MIAT: variants seen among roughly 807,000 people sequenced by gnomAD.
The protein encoded by MIAT is myocardial infarction associated transcript.
At chr22:26,648,145 A>T (rs1017757493) in intron 2 of MIAT, among the ~76,000 whole-genome samples, 1 of 152,130 alleles carries the variant, frequency 6.6e-6, no homozygotes, top group Non-Finnish European at 1.5e-5. Context: ...GCCTCAGCAG[A>T]AGCAGTAGCA....
chr22:26,672,470 G>A (rs997226302), downstream of MIAT: 7 of 399,382 alleles, frequency 1.8e-5, no homozygotes, highest in Non-Finnish European at 3.1e-5. Context: ...TCTCTCCTAT[G>A]TGCAGAAGTC....
At chr22:26,656,013 TTTTC>T in intron 2 of MIAT, 1 of 153,104 alleles carries the variant, frequency 6.5e-6, no homozygotes, top group Non-Finnish European at 1.4e-5. Context: ...TTTTCTTTTC[TTTTC>T]TTTTTTTTTT....
chr22:26,667,054 A>T (rs1226540275), intron 4 of MIAT: 11 of 266,446 alleles, frequency 4.1e-5, no homozygotes, highest in Non-Finnish European at 7.0e-5. Flanking sequence ...GCTCCTGCTC[A>T]TGAGAAGATG....
chr22:26,670,447 T>C (rs1050101217), downstream of MIAT: 25 of 398,052 alleles, frequency 6.3e-5, no homozygotes, highest in African/African-American at 4.3e-4. Context: ...TGGGAAGTGG[T>C]AGAGAGACCC....
At chr22:26,669,401 G>T in exon 6 of MIAT, 2 of 398,640 alleles carry the variant, frequency 5.0e-6, no homozygotes, top group Non-Finnish European at 8.8e-6. Flanking sequence ...TGGCTTGCAG[G>T]TGGCACCTTC....
exon 6 of MIAT, chr22:26,669,309 G>T: frequency 2.5e-6 from 1 of 398,764 alleles, no homozygotes; most frequent in East Asian, 3.6e-5. Context: ...TAAACATCAG[G>T]AATTTATTTT....
At chr22:26,667,921 T>G in intron 5 of MIAT, 1 of 331,960 alleles carries the variant, frequency 3.0e-6, no homozygotes. Flanking sequence ...TCCTCCTTCC[T>G]CAGCCTCCCA....
intron 2 of MIAT, chr22:26,657,662 G>T (rs1170337777): frequency 7.5e-6 from 3 of 398,762 alleles, no homozygotes; most frequent in African/African-American, 6.2e-5. Flanking sequence ...GAGGTAAGAC[G>T]TCGCCCCATC....
chr22:26,662,276 C>A (rs1282124282), intron 2 of MIAT, among the ~76,000 whole-genome samples: 1 of 152,066 alleles, frequency 6.6e-6, no homozygotes, highest in African/African-American at 2.4e-5. Context: ...TTTGAATACA[C>A]CCTCTGCCCC....
chr22:26,655,438 T>C (rs1359195495), intron 2 of MIAT, among the ~76,000 whole-genome samples: 1 of 152,188 alleles, frequency 6.6e-6, no homozygotes, highest in Non-Finnish European at 1.5e-5. Flanking sequence ...GCGATGAAGA[T>C]GATAAACAAT....
intron 2 of MIAT, among the ~76,000 whole-genome samples, chr22:26,654,948 A>G (rs6005115): frequency 0.45 from 68,378 of 151,936 alleles, 15,496 homozygotes; most frequent in East Asian, 0.58. Context: ...TCCTGACCTC[A>G]TGATCCGCCC....
At chr22:26,668,347 C>A (rs563735607) in exon 6 of MIAT, 3 of 398,736 alleles carry the variant, frequency 7.5e-6, no homozygotes, top group African/African-American at 6.2e-5. Flanking sequence ...GATAGGAACT[C>A]TTCCTGGTTG....
At chr22:26,653,686 C>A (rs1221591653) in intron 2 of MIAT, among the ~76,000 whole-genome samples, 1 of 152,148 alleles carries the variant, frequency 6.6e-6, no homozygotes, top group Non-Finnish European at 1.5e-5. Context: ...AGTTCACAAC[C>A]TTCTTGGACC....
At chr22:26,666,091 C>T (rs2146013142) in exon 4 of MIAT, 2 of 398,634 alleles carry the variant, frequency 5.0e-6, no homozygotes, top group East Asian at 7.1e-5. Context: ...CTGAGCTCAT[C>T]TCCAGTTCTG....
exon 4 of MIAT, chr22:26,666,121 G>C: frequency 2.5e-6 from 1 of 398,596 alleles, no homozygotes; most frequent in Non-Finnish European, 4.4e-6. Context: ...CCCCACTCCC[G>C]GGTGCTGACA....
At chr22:26,657,425 G>C in intron 2 of MIAT, 1 of 398,284 alleles carries the variant, frequency 2.5e-6, no homozygotes, top group Non-Finnish European at 4.4e-6. Flanking sequence ...GAGGGCCGGG[G>C]GTGGGGCGCC....
chr22:26,652,992 A>C (rs576331567), intron 2 of MIAT, among the ~76,000 whole-genome samples: 1 of 152,190 alleles, frequency 6.6e-6, no homozygotes, highest in South Asian at 2.1e-4. Flanking sequence ...TCCTAAGTCT[A>C]CCCACAGGAT....
At chr22:26,653,146 A>C (rs1033340898) in intron 2 of MIAT, among the ~76,000 whole-genome samples, 1 of 152,236 alleles carries the variant, frequency 6.6e-6, no homozygotes, top group Non-Finnish European at 1.5e-5. Flanking sequence ...CCACAAAGGC[A>C]CTCAACAGAT....
chr22:26,650,550 TCCAGGCTTATAATCC>T (rs1930319157), intron 2 of MIAT: 1 of 152,254 alleles, frequency 6.6e-6, no homozygotes, highest in Non-Finnish European at 1.5e-5. Flanking sequence ...TCTGGGGTGA[TCCAGGCTTATAATCC>T]CCATTTATCC....
Sources: allele counts gnomAD v4.1 joint callset (sites outside exome capture counted in the v4.1 genomes callset), GRCh38; gene constraint gnomAD v4.1.1; transcripts MANE v1.5; gene names NCBI Gene and HGNC (gene_info 2026-07-23, HGNC 2026-07-21).